The following PEX5L variants were observed in gnomAD, a reference collection of about 807,000 sequenced individuals.
PEX5L encodes the protein PEX5-related protein.
Under a neutral mutation model 84.0 loss-of-function variants are expected in PEX5L, and 30 were observed. That is an observed-to-expected ratio of 0.36 (90% CI 0.27 to 0.48). The LOEUF (loss-of-function observed/expected upper bound fraction) is 0.48, where lower values mean the gene tolerates loss of function less well. PEX5L is among the 20% of genes least tolerant of loss of function. PEX5L has a pLI of 0.99. For missense variants in PEX5L, 533 were observed against 754.6 expected (o/e 0.71, Z 3.44); for synonymous variants, 270 against 283.1 (o/e 0.95, Z 0.46).
intron 1 of PEX5L, among the ~76,000 whole-genome samples, chr3:180,003,571 A>G (rs1161908392): frequency 6.6e-6 from 1 of 152,158 alleles, no homozygotes; most frequent in East Asian, 1.9e-4. Flanking sequence ...ACAATTTAAT[A>G]TAAAATAAAA....
At chr3:179,849,295 T>C (rs1460067543) in intron 8 of PEX5L, among the ~76,000 whole-genome samples, 1 of 152,256 alleles carries the variant, frequency 6.6e-6, no homozygotes, top group Non-Finnish European at 1.5e-5. Context: ...GCCTAAATTA[T>C]GTCTGTGAAA....
intron 2 of PEX5L, among the ~76,000 whole-genome samples, chr3:179,932,243 C>A (rs1473417016): frequency 6.6e-6 from 1 of 151,844 alleles, no homozygotes; most frequent in Non-Finnish European, 1.5e-5. Context: ...TAGTATAGTC[C>A]TTTTTACATA....
intron 2 of PEX5L, among the ~76,000 whole-genome samples, chr3:179,959,679 T>C (rs1391215034): frequency 6.6e-6 from 1 of 152,152 alleles, no homozygotes; most frequent in East Asian, 1.9e-4. Flanking sequence ...TTTTTTCATA[T>C]AGCTTCTCTC....
intron 2 of PEX5L, among the ~76,000 whole-genome samples, chr3:179,957,110 A>C (rs1000041217): frequency 6.6e-6 from 1 of 152,200 alleles, no homozygotes; most frequent in Non-Finnish European, 1.5e-5. Flanking sequence ...ACATAATGTT[A>C]CATAAAGAAG....
chr3:180,036,539 G>T, intron 1 of PEX5L, 40 bp downstream of exon 1: 1 of 1,597,788 alleles, frequency 6.3e-7, no homozygotes, highest in Non-Finnish European at 8.6e-7. Context: ...TCTTAAATTA[G>T]CCCCCAAGAA....
chr3:179,847,709 T>C (rs1165427500), intron 8 of PEX5L, among the ~76,000 whole-genome samples: 1 of 152,162 alleles, frequency 6.6e-6, no homozygotes, highest in Admixed American at 6.5e-5. Flanking sequence ...AGTTTTTTTT[T>C]GAGACAAGTT....
intron 2 of PEX5L, among the ~76,000 whole-genome samples, chr3:179,930,264 T>C (rs1475648088): frequency 6.6e-6 from 1 of 152,208 alleles, no homozygotes; most frequent in Non-Finnish European, 1.5e-5. Context: ...CTGCTTTGTA[T>C]ACCTTATTCT....
At chr3:179,868,042 C>CTTTTTTTTTT (rs71628101) in intron 7 of PEX5L, among the ~76,000 whole-genome samples, 6 of 116,366 alleles carry the variant, frequency 5.2e-5, no homozygotes, top group Non-Finnish European at 7.2e-5. Context: ...TCTTCTTCTT[C>CTTTTTTTTTT]TTTTTTTTTT....
intron 1 of PEX5L, chr3:179,973,335 A>G: frequency 8.1e-7 from 1 of 1,236,962 alleles, no homozygotes; most frequent in South Asian, 1.4e-5. Flanking sequence ...CAGGAACAGC[A>G]TTAATAATGT....
intron 1 of PEX5L, among the ~76,000 whole-genome samples, chr3:179,996,181 C>T (rs1006049643): frequency 6.6e-6 from 1 of 152,154 alleles, no homozygotes; most frequent in Admixed American, 6.5e-5. Context: ...GCTAATGCCC[C>T]AGCAGGGCCC....
chr3:179,888,654 G>T (rs9290684), intron 3 of PEX5L, among the ~76,000 whole-genome samples: 137,536 of 150,938 alleles, frequency 0.91, 62,712 homozygotes, highest in South Asian at 0.96. Flanking sequence ...TGTTTTTTTT[G>T]GGGGGGGTGG....
intron 1 of PEX5L, among the ~76,000 whole-genome samples, chr3:180,025,917 G>A (rs1365318809): frequency 6.6e-6 from 1 of 152,102 alleles, no homozygotes; most frequent in East Asian, 1.9e-4. Context: ...CAATGTGTGG[G>A]TACTTTTCTT....
intron 1 of PEX5L, among the ~76,000 whole-genome samples, chr3:180,015,298 CTG>C (rs1789848468): frequency 6.6e-6 from 1 of 152,178 alleles, no homozygotes. Flanking sequence ...GGAGTTGACT[CTG>C]GAGCCAAATT....
intron 3 of PEX5L, 140 bp from the exon 4 acceptor site, chr3:179,887,924 G>T: frequency 1.5e-6 from 1 of 681,572 alleles, no homozygotes; most frequent in Non-Finnish European, 2.5e-6. Context: ...TGGGGTGGGG[G>T]CAAGAAAGAA....
chr3:179,946,017 GTT>G (rs10605374), intron 2 of PEX5L, among the ~76,000 whole-genome samples: 29,822 of 143,910 alleles, frequency 0.21, 3,313 homozygotes, highest in African/African-American at 0.3. Context: ...AGTACTGAAA[GTT>G]TTTTTTTTTT....
At chr3:179,992,541 T>TG (rs1212535027) in intron 1 of PEX5L, among the ~76,000 whole-genome samples, 1 of 152,154 alleles carries the variant, frequency 6.6e-6, no homozygotes, top group Admixed American at 6.5e-5. Context: ...TGACTGTGTG[T>TG]TTTTTAAACA....
chr3:179,875,318 C>A (rs181882579), intron 6 of PEX5L, 36 bp downstream of exon 6: 5 of 1,608,958 alleles, frequency 3.1e-6, no homozygotes, highest in South Asian at 1.1e-5. Context: ...AAAGTTGATA[C>A]ATAAATGGCC....
chr3:179,830,213 G>T (rs1292570397), intron 8 of PEX5L, among the ~76,000 whole-genome samples: 2 of 151,872 alleles, frequency 1.3e-5, no homozygotes, highest in Admixed American at 1.3e-4. Flanking sequence ...CATTTTGGCA[G>T]AGAAAGTCCA....
intron 8 of PEX5L, among the ~76,000 whole-genome samples, chr3:179,826,740 T>C (rs1000626288): frequency 2.0e-5 from 3 of 152,224 alleles, no homozygotes; most frequent in African/African-American, 4.8e-5. Context: ...TCTTTTTCTT[T>C]AGACATGTTT....
Sources: gnomAD v4.1 joint callset for allele counts (sites outside exome capture counted in the v4.1 genomes callset) on GRCh38, gnomAD v4.1.1 for gene constraint, MANE v1.5 for transcripts, NCBI Gene and HGNC (gene_info 2026-07-23, HGNC 2026-07-21) for gene names.